Variants in LTBP1 observed in about 807,000 individuals in gnomAD.
LTBP1 encodes latent transforming growth factor beta binding protein 1, also known as latent-transforming growth factor beta-binding protein 1.
In LTBP1, 129 loss-of-function variants were observed where a neutral mutation model predicts 207.6. The ratio of observed to expected loss-of-function variants is 0.62; its 90% CI spans 0.54 to 0.72. LTBP1 has a LOEUF of 0.72. Ranked by LOEUF, LTBP1 falls within the 30% of genes least tolerant of loss-of-function variation. The probability of loss-of-function intolerance (pLI) is 0.00; values close to 1 mark genes in which losing one functional copy is unlikely to be tolerated. For missense variants in LTBP1, 2,281 were observed against 2,217.2 expected (o/e 1.03, Z -0.58); for synonymous variants, 963 against 833.7 (o/e 1.16, Z -2.67).
intron 3 of LTBP1, among the ~76,000 whole-genome samples, chr2:33,086,855 A>G (rs219108): frequency 0.49 from 73,859 of 151,784 alleles, 20,758 homozygotes; most frequent in East Asian, 0.64. Context: ...AAGGAAAATA[A>G]ACTAACACAT....
intron 31 of LTBP1, among the ~76,000 whole-genome samples, chr2:33,387,337 G>A (rs2095274991): frequency 6.6e-6 from 1 of 152,216 alleles, no homozygotes; most frequent in Admixed American, 6.5e-5. Context: ...CAAACTTTAA[G>A]CAGAACTGAC....
intron 32 of LTBP1, 93 bp downstream of exon 32, chr2:33,389,399 A>G (rs2095296042): frequency 6.5e-7 from 1 of 1,539,214 alleles, no homozygotes; most frequent in South Asian, 1.2e-5. Context: ...TTAGCAATGC[A>G]GCATTTCTGG....
intron 2 of LTBP1, among the ~76,000 whole-genome samples, chr2:32,949,373 C>G (rs1031679962): frequency 6.6e-6 from 1 of 152,196 alleles, no homozygotes; most frequent in Non-Finnish European, 1.5e-5. Context: ...AGTACAACAT[C>G]AAAGTTTTTA....
chr2:33,078,913 C>G (rs2078245091), intron 3 of LTBP1, among the ~76,000 whole-genome samples: 2 of 122,164 alleles, frequency 1.6e-5, no homozygotes, highest in Non-Finnish European at 3.2e-5. Flanking sequence ...GGCTGGAGTG[C>G]AGTGGCACGA....
chr2:33,058,516 C>A (rs115194739), intron 3 of LTBP1, among the ~76,000 whole-genome samples: 1 of 152,176 alleles, frequency 6.6e-6, no homozygotes, highest in Non-Finnish European at 1.5e-5. Flanking sequence ...TTTTCTCCCC[C>A]CTTCTTTTCA....
In LTBP1 at chr2:32,952,239, A is replaced by G. The variant is rs17012386; in HGVS notation, c.565+3294A>G. The stretch of plus-strand genomic sequence containing the variant: ...CTTCTGAAGACTAAAGATTTAGTGA[A>G]CCTTAAATTGCAAATCAGAGAGATG... On this transcript the variant is annotated intron_variant, in intron 2 of 33. Coordinates refer to ENST00000404816, the MANE Select transcript of LTBP1 (RefSeq NM_206943.4). Among the ~76,000 whole-genome samples the G allele has an allele frequency of 8.6e-3, 1,313 of 152,344 alleles. 16 individuals are homozygous for G. Among genetic ancestry groups the G allele is most frequent in the African/African-American group, 0.029 (1,222 of 41,570 alleles).
At chr2:33,078,862 C>CTTTTCTTTTCTTTT (rs1367646259) in intron 3 of LTBP1, among the ~76,000 whole-genome samples, 2 of 106,888 alleles carry the variant, frequency 1.9e-5, no homozygotes, top group Admixed American at 1.3e-4. Flanking sequence ...CTTTTCTTTT[C>CTTTTCTTTTCTTTT]TTTTTTTTTT....
intron 33 of LTBP1, 91 bp downstream of exon 33, chr2:33,397,373 G>A: frequency 6.8e-7 from 1 of 1,475,762 alleles, no homozygotes; most frequent in South Asian, 1.2e-5. Context: ...GATTTGCTGA[G>A]TTTCAGTTTG....
At chr2:32,965,464 T>C (rs1679813560) in intron 2 of LTBP1, among the ~76,000 whole-genome samples, 1 of 152,218 alleles carries the variant, frequency 6.6e-6, no homozygotes, top group African/African-American at 2.4e-5. Flanking sequence ...AAAAATCCTC[T>C]GTGCCCTGCC....
intron 9 of LTBP1, among the ~76,000 whole-genome samples, chr2:33,222,717 G>A (rs533110593): frequency 1.6e-4 from 25 of 152,284 alleles, no homozygotes; most frequent in Admixed American, 1.4e-3. Flanking sequence ...GGGGAAGCTA[G>A]GAGATTGTCT....
At chr2:33,043,983 G>C (rs938791627) in intron 3 of LTBP1, among the ~76,000 whole-genome samples, 1 of 151,828 alleles carries the variant, frequency 6.6e-6, no homozygotes, top group African/African-American at 2.4e-5. Flanking sequence ...GAGGCAGTGG[G>C]TCAGGTGATT....
chr2:33,295,706 A>T (rs927501128), intron 20 of LTBP1, among the ~76,000 whole-genome samples: 3 of 151,978 alleles, frequency 2.0e-5, no homozygotes, highest in African/African-American at 7.3e-5. Flanking sequence ...TTACTTTTAC[A>T]TCTAAAAGTA....
At chr2:33,079,304 T>A (rs1219904729) in intron 3 of LTBP1, among the ~76,000 whole-genome samples, 1 of 152,092 alleles carries the variant, frequency 6.6e-6, no homozygotes, top group East Asian at 1.9e-4. Flanking sequence ...CGTGCTGTGA[T>A]GGAGAGTATC....
intron 19 of LTBP1, 115 bp downstream of exon 19, chr2:33,280,273 A>C (rs753374828): frequency 2.7e-6 from 3 of 1,103,016 alleles, no homozygotes; most frequent in Admixed American, 7.0e-5. Context: ...GAAATCTTAC[A>C]TCATTCTAAG....
rs1029779275 is a variant in LTBP1 at position 33,064,223 on chromosome 2, A to G, written c.863+43017A>G. 3.9e-5 allele frequency among the ~76,000 whole-genome samples: 6 copies of G among 152,368 alleles called. No individual in the cohort carries two copies. The East Asian group carries it at 7.7e-4, about 20-fold the overall frequency. ...TTTAAATTGAGTTTTCTGCTAATAT[A>G]TAGAAATACATTTAATTTATATTTA... On this transcript the variant is annotated intron_variant, in intron 3 of 33. Transcript: ENST00000404816.
At position 33,022,068 on chromosome 2, in the gene LTBP1, G is replaced by A. The variant is rs146957801; in HGVS notation, c.863+862G>A. ...GTAGCAGTTCATTTGTAAGTCACTT[G>A]CTTGGAATTTAGAATGCTTCTTCCC... On this transcript the variant is annotated intron_variant, in intron 3 of 33. Coordinates refer to ENST00000404816, the MANE Select transcript of LTBP1 (RefSeq NM_206943.4). Among the ~76,000 whole-genome samples, 45 of 152,204 alleles carry A rather than the reference G, an allele frequency of 3.0e-4. No individual in the cohort carries two copies. In the East Asian group the frequency reaches 7.5e-3, roughly 25 times the overall value.
rs756837289 is a variant in LTBP1, at chr2:33,330,814, C to CAA, written c.3731-12008_3731-12007dup. 5.0e-3 allele frequency among the ~76,000 whole-genome samples: 487 copies of CAA among 96,708 alleles called. 2 individuals carry two copies. The highest frequency in any genetic ancestry group is 0.015 in the African/African-American group (420 of 27,594). The allele number at this position is 96,708 out of a possible 152,430, so 63.4% of individuals were successfully genotyped here. A position where few individuals can be genotyped will look rare whatever the true frequency, so the allele number is the denominator to read the frequency against. On this transcript the variant is annotated intron_variant, in intron 24 of 33. Coordinates refer to ENST00000404816, the MANE Select transcript of LTBP1 (RefSeq NM_206943.4). Reference sequence around the variant, plus strand: ...ACTCAGGTTTTCTCTATCATGGTCTCAAAAAAAAAAAAAAAAATCCTTGAA... The same window carrying CAA: ...ACTCAGGTTTTCTCTATCATGGTCTCAAAAAAAAAAAAAAAAAAATCCTTGAA...
At chr2:33,127,255 T>C (rs1193634243) in intron 4 of LTBP1, among the ~76,000 whole-genome samples, 1 of 152,170 alleles carries the variant, frequency 6.6e-6, no homozygotes, top group Non-Finnish European at 1.5e-5. Flanking sequence ...ATGCAGAATT[T>C]AAATTTCGTG....
chr2:33,340,659 G>A (rs1211170355), intron 24 of LTBP1, among the ~76,000 whole-genome samples: 1 of 152,076 alleles, frequency 6.6e-6, no homozygotes, highest in Non-Finnish European at 1.5e-5. Flanking sequence ...TAAGATTCTA[G>A]GTCATTGAGG....
Sources: allele counts gnomAD v4.1 joint callset (sites outside exome capture counted in the v4.1 genomes callset), GRCh38; gene constraint gnomAD v4.1.1; transcripts MANE v1.5; gene names NCBI Gene and HGNC (gene_info 2026-07-23, HGNC 2026-07-21).